SASS6: variants seen among roughly 807,000 people sequenced by gnomAD.
SASS6 encodes the protein SAS-6 centriolar assembly protein, also known as spindle assembly abnormal protein 6 homolog.
Under a neutral mutation model 94.9 loss-of-function variants are expected in SASS6, and 59 were observed. That is an observed-to-expected ratio of 0.62 (90% CI 0.50 to 0.77). The LOEUF (loss-of-function observed/expected upper bound fraction) is 0.77, where lower values mean the gene tolerates loss of function less well. Ranked by LOEUF, SASS6 falls within the 30% of genes least tolerant of loss-of-function variation. SASS6 has a pLI of 0.00. For missense variants in SASS6, 698 were observed against 734.1 expected (o/e 0.95, Z 0.57); for synonymous variants, 264 against 270.0 (o/e 0.98, Z 0.22).
At chr1:100,130,352 G>C (rs1654908495) in intron 1 of SASS6, among the ~76,000 whole-genome samples, 1 of 152,184 alleles carries the variant, frequency 6.6e-6, no homozygotes, top group Admixed American at 6.5e-5. Flanking sequence ...ACATTTGCCA[G>C]TATTTGTTGA....
chr1:100,102,981 T>C lies in SASS6; in HGVS notation c.1648A>G (p.Thr550Ala). The C allele has an allele frequency of 6.8e-6, 11 of 1,612,738 alleles. No individual in the cohort carries two copies. The highest frequency in any genetic ancestry group is 9.3e-6 in the Non-Finnish European group (11 of 1,179,156). ...TTTGTTCCTGAACCAGGGTGGCTGG[T>C]ATTTTTGGCAGATATCGAATGAGGG... ...TFPHSISAKN[T>A]SHPGSGTKVQ... Residue 550 changes from threonine to alanine, a missense_variant, in exon 14 of 17, where the codon ACC becomes GCC. Transcript: ENST00000287482.
Position 100,132,913 on chromosome 1 carries a change from C to A in SASS6, c.-99G>T. On this transcript the variant is annotated 5_prime_UTR_variant, in exon 1 of 17. Transcript: ENST00000287482. ...GGGTCCTGATAAAGTTTGAGTTTGG[C>A]GCTCGGCTTCTGCGGAGGAGGCGGG... 1 of 1,215,752 alleles carries A rather than the reference C, an allele frequency of 8.2e-7. No homozygotes were observed. The highest frequency in any genetic ancestry group is 1.2e-5 in the South Asian group (1 of 80,286). The allele number at this position is 1,215,752 out of a possible 1,614,324, so 75.3% of individuals were successfully genotyped here. A position where few individuals can be genotyped will look rare whatever the true frequency, so the allele number is the denominator to read the frequency against.
rs774346738 is a variant in SASS6 at position 100,121,350 on chromosome 1, A to T, written c.483+28T>A. The T allele has an allele frequency of 1.6e-5, 22 of 1,391,788 alleles. No individual in the cohort carries two copies. The South Asian group carries it at 2.9e-4, about 18-fold the overall frequency. 86.2% of individuals were successfully genotyped at this position (1,391,788 alleles called of 1,614,324 possible). A position where few individuals can be genotyped will look rare whatever the true frequency, so the allele number is the denominator to read the frequency against. On this transcript the variant is annotated intron_variant, in intron 5 of 16. Coordinates refer to ENST00000287482, the MANE Select transcript of SASS6 (RefSeq NM_194292.3). ...AAAGACCATTGATACTTATTTTGTT[A>T]AAAGAATAACTTAAATTTAAATCTT...
At chr1:100,128,091 C>T (rs1654756329) in intron 1 of SASS6, among the ~76,000 whole-genome samples, 1 of 152,042 alleles carries the variant, frequency 6.6e-6, no homozygotes, top group Non-Finnish European at 1.5e-5. Flanking sequence ...GTCTGGAGTG[C>T]AATGGTGCGA....
At chr1:100,087,432 C>G (rs576394091) in intron 15 of SASS6, among the ~76,000 whole-genome samples, 1 of 152,238 alleles carries the variant, frequency 6.6e-6, no homozygotes, top group Admixed American at 6.5e-5. Context: ...TATCAGCAGA[C>G]AGGCCTTAAA....
rs754609583 is a variant in SASS6 at position 100,091,995 on chromosome 1, G to A, written c.1675-3759C>T. Reference sequence around the variant, plus strand: ...TGTACTCCAGCCTGAGCTACAAAGCGAGACCCTGTCTCAAAAAAAAAAAAA... The same window carrying A: ...TGTACTCCAGCCTGAGCTACAAAGCAAGACCCTGTCTCAAAAAAAAAAAAA... On this transcript the variant is annotated intron_variant, in intron 14 of 16. Transcript: ENST00000287482. Among the ~76,000 whole-genome samples the A allele has an allele frequency of 1.8e-3, 198 of 110,940 alleles. 2 individuals are homozygous for A. The highest frequency in any genetic ancestry group is 8.1e-3 in the Middle Eastern group (1 of 124). The allele number at this position is 110,940 out of a possible 152,430, so 72.8% of individuals were successfully genotyped here. A position where few individuals can be genotyped will look rare whatever the true frequency, so the allele number is the denominator to read the frequency against.
intron 14 of SASS6, among the ~76,000 whole-genome samples, chr1:100,096,600 GA>G (rs1159933519): frequency 2.0e-5 from 3 of 152,104 alleles, no homozygotes; most frequent in African/African-American, 7.2e-5. Flanking sequence ...AATGAAAAGG[GA>G]AGCCACTGGG....
rs1206412139 is a variant in SASS6, at chr1:100,110,366, C to A, written c.787G>T (p.Asp263Tyr). 6.2e-7 allele frequency: 1 copy of A among 1,608,568 alleles called. No homozygotes were observed. The highest frequency in any genetic ancestry group is 1.3e-5 in the African/African-American group (1 of 74,882). The change falls in exon 8 of 17, where the codon GAC becomes TAC. Residue 263 changes from aspartate (D) to tyrosine (Y), a missense_variant. Physicochemically the swap from Asp to Tyr is radical, Grantham distance 160. Transcript: ENST00000287482. ...CCTTTATATTTTCTTTCGGTTAAGT[C>A]TTTATTAGCCGCTTCTAACTCAGAC... The part of the protein sequence containing the change: ...RLSELEAANK[D>Y]LTERKYKGDS...
intron 14 of SASS6, among the ~76,000 whole-genome samples, chr1:100,098,849 TTA>T (rs1652273819): frequency 6.6e-6 from 1 of 152,194 alleles, no homozygotes; most frequent in African/African-American, 2.4e-5. Flanking sequence ...CAAGTACTAT[TTA>T]TGTTTATATA....
Position 100,103,038 on chromosome 1 carries a change from C to G in SASS6, c.1591G>C (p.Val531Leu). 3 of 1,606,902 alleles carry G rather than the reference C, an allele frequency of 1.9e-6. No homozygotes were observed. Among genetic ancestry groups the G allele is most frequent in the Non-Finnish European group, 2.6e-6 (3 of 1,173,652 alleles). ...TYPTCGIGYP[V>L]SSAFAFQNTF... ...TTCTGGAATGCAAATGCAGAGGAGA[C>G]AGGATAACCAATCCCACAGGTTGGG... The change falls in exon 14 of 17, where the codon GTC becomes CTC. Residue 531 changes from valine (V) to leucine (L), a missense_variant. Physicochemically the swap from Val to Leu is conservative, Grantham distance 32. Transcript: ENST00000287482.
In SASS6 at chr1:100,127,366, T is replaced by C. The variant is rs140068675; in HGVS notation, c.66-1424A>G. Among the ~76,000 whole-genome samples the C allele has an allele frequency of 7.7e-4, 117 of 152,338 alleles. 1 individual carries two copies. The highest frequency in any genetic ancestry group is 2.6e-3 in the African/African-American group (110 of 41,578). ...AGTATAAACAGCAATTGAGTACTGA[T>C]AGGAAAACTTGGAAACAGTTGATCA... On this transcript the variant is annotated intron_variant, in intron 1 of 16. Coordinates refer to ENST00000287482, the MANE Select transcript of SASS6 (RefSeq NM_194292.3).
At chr1:100,094,252 T>G (rs1651961206) in intron 14 of SASS6, among the ~76,000 whole-genome samples, 1 of 152,020 alleles carries the variant, frequency 6.6e-6, no homozygotes, top group African/African-American at 2.4e-5. Context: ...GAAACTGGCC[T>G]AAGAAGAAAT....
chr1:100,126,493 T>C (rs915039176), intron 1 of SASS6, among the ~76,000 whole-genome samples: 1 of 152,214 alleles, frequency 6.6e-6, no homozygotes, highest in Non-Finnish European at 1.5e-5. Flanking sequence ...AAACTTAGTA[T>C]GTGGCCCGTC....
intron 6 of SASS6, among the ~76,000 whole-genome samples, chr1:100,120,102 G>C (rs926573700): frequency 6.6e-6 from 1 of 152,178 alleles, no homozygotes; most frequent in African/African-American, 2.4e-5. Flanking sequence ...GCGAACAAGT[G>C]GGGAGTGGAG....
intron 14 of SASS6, among the ~76,000 whole-genome samples, chr1:100,093,086 T>C (rs958398006): frequency 1.3e-4 from 19 of 151,762 alleles, no homozygotes; most frequent in African/African-American, 4.4e-4. Context: ...TATATTATAA[T>C]GCCTGGAGCA....
Position 100,085,186 on chromosome 1 carries a change from A to G in SASS6, c.*142T>C. On this transcript the variant is annotated 3_prime_UTR_variant, in exon 17 of 17. Transcript: ENST00000287482. ...TGTTCCTATATTATAAACTGCCATA[A>G]AAGCAGTACTTAAAGTATCCAGTCT... 1 of 631,250 alleles carries G rather than the reference A, an allele frequency of 1.6e-6. No individual in the cohort carries two copies. 39.1% of individuals were successfully genotyped at this position (631,250 alleles called of 1,614,324 possible). A position where few individuals can be genotyped will look rare whatever the true frequency, so the allele number is the denominator to read the frequency against.
chr1:100,118,996 C>T (rs759604175), intron 7 of SASS6, 22 bp downstream of exon 7: 3 of 1,477,266 alleles, frequency 2.0e-6, no homozygotes, highest in South Asian at 1.5e-5. Flanking sequence ...GATATTTTTT[C>T]AGTTTCCTTT....
intron 7 of SASS6, 94 bp from the exon 8 acceptor site, chr1:100,110,577 T>C: frequency 1.7e-6 from 1 of 601,586 alleles, no homozygotes; most frequent in Non-Finnish European, 2.6e-6. Context: ...TTGTAATTTC[T>C]TATTTTTTCT....
At chr1:100,123,098 C>T (rs965545883) in intron 3 of SASS6, 112 bp downstream of exon 3, 5 of 547,794 alleles carry the variant, frequency 9.1e-6, no homozygotes, top group Admixed American at 3.9e-5. Flanking sequence ...GCCCAATATT[C>T]CCAAAGTAAC....
Sources: allele counts gnomAD v4.1 joint callset (sites outside exome capture counted in the v4.1 genomes callset), GRCh38; gene constraint gnomAD v4.1.1; transcripts MANE v1.5; gene names NCBI Gene and HGNC (gene_info 2026-07-23, HGNC 2026-07-21).